Variants in PTPRD observed in about 807,000 individuals in gnomAD.
The protein encoded by PTPRD is receptor-type tyrosine-protein phosphatase delta.
Under a neutral mutation model 214.5 loss-of-function variants are expected in PTPRD, and 34 were observed. The ratio of observed to expected loss-of-function variants is 0.16; its 90% CI spans 0.12 to 0.21. The LOEUF (loss-of-function observed/expected upper bound fraction) is 0.21. Ranked by LOEUF, PTPRD falls within the 10% of genes least tolerant of loss-of-function variation. The pLI is 1.00. For missense variants in PTPRD, 2,545 were observed against 2,398.7 expected (o/e 1.06, Z -1.27); for synonymous variants, 1,128 against 845.7 (o/e 1.33, Z -5.79).
chr9:9,938,426 C>T (rs1362062631), intron 5 of PTPRD, 81 bp downstream of exon 5: 4 of 152,110 alleles, frequency 2.6e-5, no homozygotes, highest in Admixed American at 1.3e-4. Flanking sequence ...GGAGTTACAT[C>T]ATTAATTCTG....
intron 10 of PTPRD, among the ~76,000 whole-genome samples, chr9:9,027,877 C>G (rs1035529639): frequency 1.3e-5 from 2 of 151,944 alleles, no homozygotes; most frequent in Non-Finnish European, 2.9e-5. Context: ...GGTCTACTAA[C>G]AGTTCTTGTC....
At chr9:9,192,568 A>T (rs1393751113) in intron 9 of PTPRD, among the ~76,000 whole-genome samples, 1 of 152,100 alleles carries the variant, frequency 6.6e-6, no homozygotes, top group East Asian at 1.9e-4. Flanking sequence ...GTTTGTTACT[A>T]CAAAAGACTC....
intron 5 of PTPRD, among the ~76,000 whole-genome samples, chr9:9,876,916 A>G (rs1239272265): frequency 6.6e-6 from 1 of 152,212 alleles, no homozygotes; most frequent in Non-Finnish European, 1.5e-5. Context: ...CATCAAATAC[A>G]TTATTTAAAT....
At chr9:9,990,398 G>C (rs1434201449) in intron 4 of PTPRD, among the ~76,000 whole-genome samples, 1 of 152,178 alleles carries the variant, frequency 6.6e-6, no homozygotes, top group African/African-American at 2.4e-5. Context: ...TCTGTTTATG[G>C]AGGTGTCATT....
chr9:8,923,978 G>C (rs1223836733), intron 11 of PTPRD, among the ~76,000 whole-genome samples: 1 of 152,130 alleles, frequency 6.6e-6, no homozygotes, highest in Non-Finnish European at 1.5e-5. Context: ...CATTTACATA[G>C]CTAAAAAGAT....
At chr9:10,595,524 C>T (rs561365157) in intron 2 of PTPRD, among the ~76,000 whole-genome samples, 1 of 151,802 alleles carries the variant, frequency 6.6e-6, no homozygotes, top group East Asian at 1.9e-4. Flanking sequence ...CTTCCATAGA[C>T]AAGTGGGTTC....
At chr9:8,499,154 T>C (rs1354114312) in intron 25 of PTPRD, among the ~76,000 whole-genome samples, 1 of 152,190 alleles carries the variant, frequency 6.6e-6, no homozygotes, top group South Asian at 2.1e-4. Context: ...TCATCAAATA[T>C]GTAATTTGAT....
At chr9:8,652,702 T>C (rs185841003) in intron 12 of PTPRD, among the ~76,000 whole-genome samples, 51 of 152,328 alleles carry the variant, frequency 3.3e-4, no homozygotes, top group African/African-American at 1.1e-3. Context: ...TATGAATGTG[T>C]AATCCCAAGT....
chr9:9,276,805 C>T (rs1326257273), intron 9 of PTPRD, among the ~76,000 whole-genome samples: 2 of 151,310 alleles, frequency 1.3e-5, no homozygotes, highest in Non-Finnish European at 3.0e-5. Flanking sequence ...GTTCCTAATT[C>T]TATATTTCAC....
intron 3 of PTPRD, among the ~76,000 whole-genome samples, chr9:10,040,990 T>A (rs1327517596): frequency 6.6e-6 from 1 of 152,014 alleles, no homozygotes; most frequent in Non-Finnish European, 1.5e-5. Flanking sequence ...TTTTGAAGAG[T>A]GATACATTTT....
At chr9:8,737,673 G>A (rs192859095) in intron 11 of PTPRD, among the ~76,000 whole-genome samples, 1 of 152,216 alleles carries the variant, frequency 6.6e-6, no homozygotes, top group African/African-American at 2.4e-5. Context: ...TCTTGAGACA[G>A]AGTCTCACTC....
In PTPRD at chr9:10,405,388, A is replaced by G. The variant is rs907279549; in HGVS notation, c.-599-64371T>C. Reference sequence around the variant, plus strand: ...ATTTTCTACAAATCTGTTAACAAGAAAAGTAAACTTTCTGGTCCTGGAGGG... The same window carrying G: ...ATTTTCTACAAATCTGTTAACAAGAGAAGTAAACTTTCTGGTCCTGGAGGG... On this transcript the variant is annotated intron_variant, in intron 2 of 45. Coordinates refer to ENST00000381196, the MANE Select transcript of PTPRD (RefSeq NM_002839.4). 2.6e-5 allele frequency among the ~76,000 whole-genome samples: 4 copies of G among 151,730 alleles called. No homozygotes were observed. The South Asian group carries it at 6.2e-4, about 24-fold the overall frequency.
intron 2 of PTPRD, among the ~76,000 whole-genome samples, chr9:10,586,006 C>T (rs2073772148): frequency 6.6e-6 from 1 of 151,926 alleles, no homozygotes. Context: ...AGCTATAAAT[C>T]TAAATGTTGT....
chr9:10,259,099 T>C (rs184193506), intron 3 of PTPRD, among the ~76,000 whole-genome samples: 163 of 152,198 alleles, frequency 1.1e-3, no homozygotes, highest in African/African-American at 3.8e-3. Context: ...CTCAGCTCAC[T>C]GCAAGCTCCA....
At chr9:8,879,601 A>G (rs565373762) in intron 11 of PTPRD, among the ~76,000 whole-genome samples, 4 of 152,256 alleles carry the variant, frequency 2.6e-5, no homozygotes, top group Admixed American at 2.6e-4. Flanking sequence ...CCCTATCCCA[A>G]TTGTGAATTA....
intron 9 of PTPRD, among the ~76,000 whole-genome samples, chr9:9,315,202 A>G (rs1308516868): frequency 6.6e-6 from 1 of 151,908 alleles, no homozygotes; most frequent in Non-Finnish European, 1.5e-5. Context: ...CACCAAGCTT[A>G]TTGTGTTGTA....
At chr9:10,395,581 G>T (rs2098152939) in intron 2 of PTPRD, among the ~76,000 whole-genome samples, 1 of 151,862 alleles carries the variant, frequency 6.6e-6, no homozygotes. Context: ...TGACCACAAA[G>T]ATATTAACGT....
At chr9:9,238,572 A>T (rs1239541965) in intron 9 of PTPRD, among the ~76,000 whole-genome samples, 1 of 152,098 alleles carries the variant, frequency 6.6e-6, no homozygotes, top group Non-Finnish European at 1.5e-5. Flanking sequence ...TCTTGACTGG[A>T]GGACACAGTT....
chr9:9,587,903 A>G (rs1004349589), intron 7 of PTPRD, among the ~76,000 whole-genome samples: 2 of 152,024 alleles, frequency 1.3e-5, no homozygotes, highest in African/African-American at 4.8e-5. Flanking sequence ...GTATAAACAC[A>G]TAGTTAGAAG....
Sources: gnomAD v4.1 joint callset for allele counts (sites outside exome capture counted in the v4.1 genomes callset) on GRCh38, gnomAD v4.1.1 for gene constraint, MANE v1.5 for transcripts, NCBI Gene and HGNC (gene_info 2026-07-23, HGNC 2026-07-21) for gene names.